NOX4: variants seen among roughly 807,000 people sequenced by gnomAD.
NOX4 encodes kidney oxidase-1.
NOX4 carries 69 observed loss-of-function variants against 87.6 expected under a neutral mutation model. The ratio of observed to expected loss-of-function variants is 0.79; its 90% CI spans 0.65 to 0.96. NOX4 has a LOEUF of 0.96. Ranked by LOEUF, NOX4 falls within the 40% of genes least tolerant of loss-of-function variation. The probability of loss-of-function intolerance (pLI) is 0.00; values close to 1 mark genes in which losing one functional copy is unlikely to be tolerated. For synonymous variants in NOX4, 275 were observed against 238.2 expected (o/e 1.15, Z -1.42); for missense variants, 680 against 681.5 (o/e 1.00, Z 0.02).
At chr11:89,413,682 G>A (rs1340898037) in intron 8 of NOX4, among the ~76,000 whole-genome samples, 1 of 152,092 alleles carries the variant, frequency 6.6e-6, no homozygotes, top group Non-Finnish European at 1.5e-5. Flanking sequence ...GCGAATGAGA[G>A]GGGGAGAAGT....
Position 89,359,008 on chromosome 11 carries a change from A to AT in NOX4, c.1136-3966dup, listed in dbSNP as rs951010263. 3.3e-5 allele frequency among the ~76,000 whole-genome samples: 5 copies of AT among 151,942 alleles called. 1 individual carries two copies. Among genetic ancestry groups the AT allele is most frequent in the African/African-American group, 1.2e-4 (5 of 41,396 alleles). Reference sequence around the variant, plus strand: ...AACGATGTGATAATGTCTGAACGTGATTTTCTACCAGTAGGAGATATATCT... The same window carrying AT: ...AACGATGTGATAATGTCTGAACGTGATTTTTCTACCAGTAGGAGATATATCT... On this transcript the variant is annotated intron_variant, in intron 12 of 17. Coordinates refer to ENST00000263317, the MANE Select transcript of NOX4 (RefSeq NM_016931.5).
chr11:89,334,251 T>A (rs1482201724), intron 17 of NOX4, among the ~76,000 whole-genome samples: 1 of 151,600 alleles, frequency 6.6e-6, no homozygotes, highest in African/African-American at 2.4e-5. Flanking sequence ...ACATCTAAGA[T>A]GGGTGATACT....
At chr11:89,513,114 A>G in the NOX4 span, among the ~76,000 whole-genome samples, 3 of 152,070 alleles carry the variant, frequency 2.0e-5, no homozygotes, top group Non-Finnish European at 4.4e-5. Flanking sequence ...AGAAGTCAGG[A>G]GTTCCAGACC....
At chr11:89,421,821 A>G (rs1020495002) in intron 8 of NOX4, 81 bp downstream of exon 8, 15 of 772,938 alleles carry the variant, frequency 1.9e-5, no homozygotes, top group South Asian at 5.1e-5. Flanking sequence ...ACCACCTCCT[A>G]TGAAATTTCC....
chr11:89,464,483 T>TC (rs1591320798), intron 2 of NOX4, among the ~76,000 whole-genome samples: 5 of 152,220 alleles, frequency 3.3e-5, no homozygotes, highest in Non-Finnish European at 7.3e-5. Flanking sequence ...ATCTAGTTAC[T>TC]ACATGAGCAA....
intron 12 of NOX4, among the ~76,000 whole-genome samples, chr11:89,357,133 T>C (rs1475767570): frequency 6.6e-6 from 1 of 152,194 alleles, no homozygotes; most frequent in Non-Finnish European, 1.5e-5. Flanking sequence ...AAGTGGCCAG[T>C]GCTTCCTGAG....
the NOX4 span, among the ~76,000 whole-genome samples, chr11:89,540,812 A>T: frequency 7.4e-6 from 1 of 134,248 alleles, no homozygotes; most frequent in African/African-American, 2.6e-5. Flanking sequence ...AAAAAAAAAA[A>T]AAAAAAAAAA....
At chr11:89,513,928 C>T in the NOX4 span, among the ~76,000 whole-genome samples, 3 of 151,876 alleles carry the variant, frequency 2.0e-5, no homozygotes, top group African/African-American at 7.3e-5. Context: ...ATAAGCTTTA[C>T]CCATTTTACC....
At chr11:89,396,513 C>T (rs1256249577) in intron 11 of NOX4, among the ~76,000 whole-genome samples, 3 of 151,932 alleles carry the variant, frequency 2.0e-5, no homozygotes, top group Non-Finnish European at 2.9e-5. Context: ...AATTAAGAGA[C>T]ACAGACTGGC....
the NOX4 span, among the ~76,000 whole-genome samples, chr11:89,539,390 CCACTG>C: frequency 6.6e-6 from 1 of 152,012 alleles, no homozygotes; most frequent in Non-Finnish European, 1.5e-5. Flanking sequence ...TGAGATTACA[CCACTG>C]CACTCCAGCT....
chr11:89,560,435 G>A, the NOX4 span, among the ~76,000 whole-genome samples: 1 of 152,084 alleles, frequency 6.6e-6, no homozygotes, highest in Non-Finnish European at 1.5e-5. Context: ...TAGTTTTGTG[G>A]TATTTTGTGA....
At chr11:89,554,865 G>A in the NOX4 span, among the ~76,000 whole-genome samples, 2 of 151,892 alleles carry the variant, frequency 1.3e-5, no homozygotes, top group Admixed American at 6.6e-5. Flanking sequence ...TCAATTTACT[G>A]AAATCAAACT....
chr11:89,507,448 T>C, the NOX4 span, among the ~76,000 whole-genome samples: 1 of 151,312 alleles, frequency 6.6e-6, no homozygotes, highest in African/African-American at 2.4e-5. Context: ...ATACACATAA[T>C]ATACAATGCA....
chr11:89,474,310 T>C (rs375190487), intron 2 of NOX4, among the ~76,000 whole-genome samples: 8 of 150,946 alleles, frequency 5.3e-5, no homozygotes, highest in African/African-American at 7.4e-5. Context: ...AAATTTAATC[T>C]TTTTTTTCTC....
chr11:89,444,138 A>T lies in NOX4; in HGVS notation c.444T>A (p.Asp148Glu), dbSNP rs762796776. The T allele has an allele frequency of 2.5e-6, 4 of 1,613,084 alleles. No individual in the cohort carries two copies. The highest frequency in any genetic ancestry group is 3.4e-6 in the Non-Finnish European group (4 of 1,179,310). ...FVELNAARYR[D>E]EDPRKLLFTT... ...TGGGAAGACAGAGACCACCCACCTC[A>T]TCTCGGTATCTTGCTGCATTCAGTT... The change falls in exon 5 of 18, where the codon GAT becomes GAA. Residue 148 changes from aspartate to glutamate, a missense_variant. By Grantham distance (45) the Asp-to-Glu change is conservative. Coordinates refer to ENST00000263317, the MANE Select transcript of NOX4 (RefSeq NM_016931.5).
chr11:89,333,437 C>T (rs567163410), intron 17 of NOX4, among the ~76,000 whole-genome samples: 29 of 151,676 alleles, frequency 1.9e-4, no homozygotes, highest in Admixed American at 1.5e-3. Context: ...CATACACACT[C>T]TCACACAAAC....
chr11:89,437,882 A>G (rs1370964717), intron 6 of NOX4, among the ~76,000 whole-genome samples: 1 of 152,108 alleles, frequency 6.6e-6, no homozygotes, highest in African/African-American at 2.4e-5. Context: ...ATCCTCTCAC[A>G]TACTTTAAAT....
chr11:89,440,588 G>GT (rs1399389353), intron 6 of NOX4, 100 bp downstream of exon 6: 1 of 699,994 alleles, frequency 1.4e-6, no homozygotes, highest in Non-Finnish European at 2.3e-6. Context: ...GCCTCCCAAA[G>GT]TGCTGGGAAT....
chr11:89,335,025 G>A (rs192697565), intron 17 of NOX4, among the ~76,000 whole-genome samples: 2 of 151,718 alleles, frequency 1.3e-5, no homozygotes, highest in East Asian at 3.9e-4. Context: ...ATATTCCAGT[G>A]GATATGTTTA....
Sources: allele counts gnomAD v4.1 joint callset (sites outside exome capture counted in the v4.1 genomes callset), GRCh38; gene constraint gnomAD v4.1.1; transcripts MANE v1.5; gene names NCBI Gene and HGNC (gene_info 2026-07-23, HGNC 2026-07-21).